Variants in ASTN2 observed in about 807,000 individuals in gnomAD.
ASTN2 encodes the protein astrotactin-2.
ASTN2 carries 54 observed loss-of-function variants against 139.8 expected under a neutral mutation model. That is an observed-to-expected ratio of 0.39 (90% confidence interval 0.31 to 0.48). The LOEUF (loss-of-function observed/expected upper bound fraction) is 0.48, where lower values mean the gene tolerates loss of function less well. ASTN2 is among the 20% of genes least tolerant of loss of function. The probability of loss-of-function intolerance (pLI) is 0.95; values close to 1 mark genes in which losing one functional copy is unlikely to be tolerated. For synonymous variants in ASTN2, 756 were observed against 719.5 expected (o/e 1.05, Z -0.81); for missense variants, 1,565 against 1,725.1 (o/e 0.91, Z 1.64).
At chr9:116,800,544 T>C (rs1050384479) in intron 13 of ASTN2, among the ~76,000 whole-genome samples, 3 of 152,122 alleles carry the variant, frequency 2.0e-5, no homozygotes, top group African/African-American at 7.2e-5. Context: ...CTAAGATCCC[T>C]CCTTAGTTAT....
At chr9:117,226,541 C>G (rs979824500) in intron 2 of ASTN2, among the ~76,000 whole-genome samples, 1 of 152,166 alleles carries the variant, frequency 6.6e-6, no homozygotes, top group African/African-American at 2.4e-5. Flanking sequence ...TACCTTACCC[C>G]CTTATAAAGT....
chr9:117,401,670 C>G lies in ASTN2; in HGVS notation c.442+12827G>C, dbSNP rs374187511. ...TTTTAAGCTTTGCAGGCTAGACACT[C>G]TCTATTGCCACTGCTTGACTTTGTC... On this transcript the variant is annotated intron_variant, in intron 1 of 22. Transcript: ENST00000313400. 3.9e-5 allele frequency among the ~76,000 whole-genome samples: 6 copies of G among 152,288 alleles called. No individual in the cohort carries two copies. The East Asian group carries it at 9.7e-4, about 25-fold the overall frequency.
At chr9:116,672,031 T>C (rs1268896494) in intron 16 of ASTN2, among the ~76,000 whole-genome samples, 3 of 152,172 alleles carry the variant, frequency 2.0e-5, no homozygotes, top group Admixed American at 6.5e-5. Context: ...TAATTTGCTA[T>C]ATAATGACAG....
At chr9:116,434,043 A>G (rs760266818) in intron 22 of ASTN2, among the ~76,000 whole-genome samples, 2 of 152,148 alleles carry the variant, frequency 1.3e-5, no homozygotes, top group Non-Finnish European at 2.9e-5. Context: ...ATGGGACACT[A>G]GTTCAAAGTC....
chr9:117,011,926 G>C (rs1342999467), intron 6 of ASTN2, among the ~76,000 whole-genome samples: 5 of 152,156 alleles, frequency 3.3e-5, no homozygotes, highest in Non-Finnish European at 7.4e-5. Context: ...CCTCTGTCTA[G>C]AGTAGTCTGT....
chr9:117,262,081 A>G (rs1479974671), intron 2 of ASTN2, among the ~76,000 whole-genome samples: 1 of 152,196 alleles, frequency 6.6e-6, no homozygotes, highest in Non-Finnish European at 1.5e-5. Flanking sequence ...AGAACGACAT[A>G]AACAAAAGAG....
At chr9:117,409,624 A>AT (rs1172895117) in intron 1 of ASTN2, among the ~76,000 whole-genome samples, 3 of 152,146 alleles carry the variant, frequency 2.0e-5, no homozygotes, top group Non-Finnish European at 4.4e-5. Context: ...AACAGAAAAC[A>AT]TACTCTTAAT....
At chr9:117,371,710 A>G (rs576240930) in intron 1 of ASTN2, among the ~76,000 whole-genome samples, 11 of 152,160 alleles carry the variant, frequency 7.2e-5, no homozygotes, top group African/African-American at 2.7e-4. Flanking sequence ...GAAAGATGGA[A>G]AGCATTTCAT....
In ASTN2 at chr9:116,654,596, T is replaced by C. The variant is rs544187750; in HGVS notation, c.2807-2803A>G. Among the ~76,000 whole-genome samples the C allele has an allele frequency of 2.0e-4, 30 of 152,310 alleles. 1 individual carries two copies. In the South Asian group the frequency reaches 6.2e-3, roughly 32 times the overall value. On this transcript the variant is annotated intron_variant, in intron 16 of 22. Transcript: ENST00000313400. Reference sequence around the variant, plus strand: ...AGAACACACTGGTATGCTGATCTAGTACAAATCTTCACATTTTAAAGAAGA... The same window carrying C: ...AGAACACACTGGTATGCTGATCTAGCACAAATCTTCACATTTTAAAGAAGA...
intron 10 of ASTN2, among the ~76,000 whole-genome samples, chr9:116,896,076 T>C (rs1486470815): frequency 6.6e-6 from 1 of 152,194 alleles, no homozygotes; most frequent in African/African-American, 2.4e-5. Flanking sequence ...GAAAATCACA[T>C]ATTATTCATA....
At chr9:116,745,633 T>C (rs560835310) in intron 13 of ASTN2, among the ~76,000 whole-genome samples, 2 of 152,286 alleles carry the variant, frequency 1.3e-5, no homozygotes, top group South Asian at 4.1e-4. Context: ...ACAGTCTGAT[T>C]CCAGGGTTTG....
At chr9:116,949,260 C>T (rs1162616819) in intron 10 of ASTN2, among the ~76,000 whole-genome samples, 1 of 152,110 alleles carries the variant, frequency 6.6e-6, no homozygotes, top group Non-Finnish European at 1.5e-5. Context: ...ACCCAAAGAG[C>T]TCTAGTATGT....
chr9:116,651,813 G>T lies in ASTN2; in HGVS notation c.2807-20C>A, dbSNP rs369472392. On this transcript the variant is annotated intron_variant, in intron 16 of 22. Transcript: ENST00000313400. ...TGGTCTCTGGAGAGGCACAAGACAG[G>T]AAGAGCGAAAGGTAAACTCAGGATT... 4.4e-6 allele frequency: 7 copies of T among 1,607,354 alleles called. No homozygotes were observed. The highest frequency in any genetic ancestry group is 2.7e-5 in the African/African-American group (2 of 74,786).
intron 19 of ASTN2, among the ~76,000 whole-genome samples, chr9:116,524,091 T>C (rs1330937161): frequency 6.6e-6 from 1 of 152,292 alleles, no homozygotes; most frequent in African/African-American, 2.4e-5. Context: ...TTATGGATGT[T>C]ACCTCTCATT....
At chr9:117,040,489 C>T (rs576495619) in intron 5 of ASTN2, among the ~76,000 whole-genome samples, 148 of 152,260 alleles carry the variant, frequency 9.7e-4, no homozygotes, top group Non-Finnish European at 1.8e-3. Context: ...GGCGGAGTCT[C>T]GCTTTGTCGC....
At chr9:117,109,369 T>A (rs983593853) in intron 4 of ASTN2, among the ~76,000 whole-genome samples, 10 of 151,058 alleles carry the variant, frequency 6.6e-5, no homozygotes, top group African/African-American at 2.4e-4. Flanking sequence ...AATAAATAAA[T>A]AAAAATAAAT....
At chr9:117,230,423 C>T (rs2133055178) in intron 2 of ASTN2, among the ~76,000 whole-genome samples, 1 of 152,258 alleles carries the variant, frequency 6.6e-6, no homozygotes, top group South Asian at 2.1e-4. Context: ...CTGTGTCTCT[C>T]TCCATCTCCT....
chr9:117,280,253 C>T lies in ASTN2; in HGVS notation c.630+11073G>A, dbSNP rs934999453. Among the ~76,000 whole-genome samples the T allele has an allele frequency of 3.9e-5, 6 of 152,084 alleles. No individual in the cohort carries two copies. The South Asian group carries it at 1.0e-3, about 26-fold the overall frequency. ...GTGCATTACTTCAGTGGATTCATAA[C>T]GTCAATGTGTCTGATGAGTGAGGAT... On this transcript the variant is annotated intron_variant, in intron 2 of 22. Transcript: ENST00000313400.
intron 10 of ASTN2, among the ~76,000 whole-genome samples, chr9:116,910,365 C>A (rs532247610): frequency 1.3e-5 from 2 of 152,246 alleles, no homozygotes; most frequent in East Asian, 3.9e-4. Context: ...CTGTCCCACG[C>A]GTGATAGGAT....
Sources: allele counts gnomAD v4.1 joint callset (sites outside exome capture counted in the v4.1 genomes callset), GRCh38; gene constraint gnomAD v4.1.1; transcripts MANE v1.5; gene names NCBI Gene and HGNC (gene_info 2026-07-23, HGNC 2026-07-21).